The following AMPD1 variants were observed in gnomAD, a reference collection of about 807,000 sequenced individuals.
AMPD1 encodes AMP deaminase 1.
AMPD1 carries 74 observed loss-of-function variants against 82.9 expected under a neutral mutation model. The ratio of observed to expected loss-of-function variants is 0.89; its 90% confidence interval spans 0.74 to 1.08. The LOEUF (loss-of-function observed/expected upper bound fraction) is 1.08. Ranked by LOEUF, AMPD1 falls within the 50% of genes least tolerant of loss-of-function variation. The pLI, the probability that AMPD1 is intolerant of heterozygous loss-of-function variation, is 0.00. For synonymous variants in AMPD1, 333 were observed against 320.5 expected (o/e 1.04, Z -0.42); for missense variants, 881 against 924.5 (o/e 0.95, Z 0.61).
chr1:114,679,474 TAGAAA>T, intron 7 of AMPD1, 100 bp downstream of exon 7: 1 of 1,495,938 alleles, frequency 6.7e-7, no homozygotes, highest in Non-Finnish European at 9.3e-7. Flanking sequence ...ACTGAACCTG[TAGAAA>T]TCTTAGATTA....
rs760486160 is a variant in AMPD1 at position 114,680,353 on chromosome 1, T to G, written c.673A>C (p.Ser225Arg). 4 of 1,614,114 alleles carry G rather than the reference T, an allele frequency of 2.5e-6. No individual in the cohort carries two copies. Among genetic ancestry groups the G allele is most frequent in the Non-Finnish European group, 3.4e-6 (4 of 1,180,048 alleles). ...VYVYPNEAAV[S>R]KDEPKPLPYP... Reference sequence around the variant, plus strand: ...GGAAGTGGCTTAGGCTCATCTTTGCTGACTGCTGCTTCATTAGGATAGACG... The same window carrying G: ...GGAAGTGGCTTAGGCTCATCTTTGCGGACTGCTGCTTCATTAGGATAGACG... The change falls in exon 6 of 16, where the codon AGC becomes CGC. Residue 225 changes from serine to arginine, a missense_variant. Transcript: ENST00000520113.
intron 5 of AMPD1, among the ~76,000 whole-genome samples, chr1:114,683,295 C>G (rs1023808757): frequency 6.6e-6 from 1 of 152,146 alleles, no homozygotes; most frequent in African/African-American, 2.4e-5. Context: ...AGGGGAAGGA[C>G]AGCCTGAGCA....
rs181412206 is a variant in AMPD1, at chr1:114,680,390, G to A, written c.636C>T (p.Asp212=). The A allele has an allele frequency of 4.5e-5, 72 of 1,614,160 alleles. 1 individual carries two copies. Among genetic ancestry groups the A allele is most frequent in the East Asian group, 3.6e-4 (16 of 44,880 alleles). Residue 212 remains aspartate, a synonymous_variant, in exon 6 of 16, where the codon GAC becomes GAT. Coordinates refer to ENST00000520113, the MANE Select transcript of AMPD1 (RefSeq NM_000036.3). ...ENLGYHLKMK[D]GVVYVYPNEA... is the part of the protein sequence containing the mutation. Reference sequence around the variant, plus strand: ...CATTAGGATAGACGTAAACTACACCGTCCTTCATTTTGAGGTGATAGCCCA... The same window carrying A: ...CATTAGGATAGACGTAAACTACACCATCCTTCATTTTGAGGTGATAGCCCA...
At chr1:114,677,814 CTT>C (rs1658041760) in intron 9 of AMPD1, 94 bp downstream of exon 9, 1 of 967,882 alleles carries the variant, frequency 1.0e-6, no homozygotes, top group East Asian at 4.0e-5. Context: ...TCCTTCCTTC[CTT>C]CCTTCCTTCC....
In AMPD1 at chr1:114,695,430, C is replaced by T. The variant is rs1658648965; in HGVS notation, c.22+20G>A. 6.2e-7 allele frequency: 1 copy of T among 1,612,344 alleles called. No homozygotes were observed. Among genetic ancestry groups the T allele is most frequent in the African/African-American group, 1.3e-5 (1 of 74,490 alleles). ...AAAAAACAACAACAACTGAGCTCTC[C>T]AAACACTTTGTACACCTACCTGGGA... On this transcript the variant is annotated intron_variant, in intron 1 of 15. Coordinates refer to ENST00000520113, the MANE Select transcript of AMPD1 (RefSeq NM_000036.3).
chr1:114,692,976 T>G (rs1304865616), intron 2 of AMPD1, among the ~76,000 whole-genome samples: 4 of 151,090 alleles, frequency 2.6e-5, no homozygotes, highest in Admixed American at 1.3e-4. Flanking sequence ...CTACTAAAAA[T>G]TAACCAGGTG....
chr1:114,683,293 G>A (rs1658216006), intron 5 of AMPD1: 1 of 294,684 alleles, frequency 3.4e-6, no homozygotes, highest in South Asian at 3.1e-5. Context: ...TGAGGGGAAG[G>A]ACAGCCTGAG....
Position 114,673,902 on chromosome 1 carries a change from A to C in AMPD1, c.1974+7T>G. 2 of 1,613,706 alleles carry C rather than the reference A, an allele frequency of 1.2e-6. No homozygotes were observed. The highest frequency in any genetic ancestry group is 1.7e-6 in the Non-Finnish European group (2 of 1,179,580). The stretch of plus-strand genomic sequence containing the variant: ...ATATGCTTGTATTGCCCAAGTCCAT[A>C]CTATACCTTGGTAAAGTGGAATTGC... On this transcript the variant is annotated splice_region_variant and intron_variant, in intron 14 of 15. Transcript: ENST00000520113.
chr1:114,694,202 C>A (rs528474887), intron 1 of AMPD1, among the ~76,000 whole-genome samples: 1 of 151,438 alleles, frequency 6.6e-6, no homozygotes, highest in Non-Finnish European at 1.5e-5. Flanking sequence ...GGTGACAGAG[C>A]GAGACTCTGT....
intron 2 of AMPD1, among the ~76,000 whole-genome samples, chr1:114,689,376 A>C (rs143390181): frequency 1.2e-3 from 188 of 152,290 alleles, no homozygotes; most frequent in Non-Finnish European, 2.2e-3. Flanking sequence ...TGGAAGTCCC[A>C]TTTCTTGTGG....
intron 13 of AMPD1, 89 bp from the exon 14 acceptor site, chr1:114,674,171 T>C: frequency 1.6e-6 from 2 of 1,263,792 alleles, no homozygotes; most frequent in South Asian, 2.6e-5. Flanking sequence ...GCCTTAAGCT[T>C]CAGCTTTCAA....
chr1:114,674,041 G>A lies in AMPD1; in HGVS notation c.1842C>T (p.Pro614=), dbSNP rs371341711. 347 of 1,613,864 alleles carry A rather than the reference G, an allele frequency of 2.2e-4. No homozygotes were observed. The highest frequency in any genetic ancestry group is 9.3e-6 in the Non-Finnish European group (11 of 1,179,922). The part of the protein sequence containing the change: ...LQYLFFLAQI[P]IAMSPLSNNS... ...TGTTACTTAGTGGTGACATGGCGAT[G>A]GGAATTTGGGCTAAGAAAAACAAGT... Residue 614 remains proline, a synonymous_variant, in exon 14 of 16, where the codon CCC becomes CCT. Transcript: ENST00000520113.
intron 4 of AMPD1, among the ~76,000 whole-genome samples, chr1:114,684,692 G>C (rs1359991605): frequency 1.3e-5 from 2 of 152,112 alleles, no homozygotes; most frequent in African/African-American, 4.8e-5. Flanking sequence ...TTCCAACATG[G>C]TATATACTTT....
intron 13 of AMPD1, 96 bp downstream of exon 13, chr1:114,674,656 C>T (rs1246302269): frequency 2.1e-6 from 3 of 1,420,568 alleles, no homozygotes; most frequent in Middle Eastern, 1.9e-4. Flanking sequence ...ATTATGATTG[C>T]AGTGTCGATA....
chr1:114,683,361 G>A (rs975692051), intron 5 of AMPD1, among the ~76,000 whole-genome samples: 4 of 152,158 alleles, frequency 2.6e-5, no homozygotes, highest in Non-Finnish European at 5.9e-5. Flanking sequence ...TGTAGGGAAC[G>A]AGAAATATTT....
At chr1:114,676,059 C>A in intron 10 of AMPD1, 56 bp from the exon 11 acceptor site, 2 of 1,586,850 alleles carry the variant, frequency 1.3e-6, no homozygotes, top group Non-Finnish European at 1.7e-6. Flanking sequence ...GGACTGATAG[C>A]CCCAGTATGA....
At chr1:114,684,625 T>C in intron 4 of AMPD1, 1 of 540,532 alleles carries the variant, frequency 1.9e-6, no homozygotes, top group South Asian at 2.1e-5. Context: ...TATTTGTTTG[T>C]TTCTGGTTTT....
intron 13 of AMPD1, 139 bp from the exon 14 acceptor site, chr1:114,674,221 A>G: frequency 1.3e-6 from 1 of 760,018 alleles, no homozygotes. Context: ...TAGTAAGGAG[A>G]ATTTAGGAGT....
At chr1:114,679,954 G>C (rs1658108962) in intron 6 of AMPD1, among the ~76,000 whole-genome samples, 1 of 152,220 alleles carries the variant, frequency 6.6e-6, no homozygotes, top group Non-Finnish European at 1.5e-5. Flanking sequence ...TGGAGAGAGT[G>C]TTATTCAAAG....
Sources: gnomAD v4.1 joint callset for allele counts (sites outside exome capture counted in the v4.1 genomes callset) on GRCh38, gnomAD v4.1.1 for gene constraint, MANE v1.5 for transcripts, NCBI Gene and HGNC (gene_info 2026-07-23, HGNC 2026-07-21) for gene names.